EXTL3: variants seen among roughly 807,000 people sequenced by gnomAD.
EXTL3 encodes the protein exostosin like glycosyltransferase 3.
In EXTL3, 27 loss-of-function variants were observed where a neutral mutation model predicts 69.3. The observed-to-expected ratio is 0.39, with a 90% CI of 0.29 to 0.54. The LOEUF (loss-of-function observed/expected upper bound fraction) is 0.54. Among genes scored for constraint, EXTL3 ranks in the 20% least tolerant of loss-of-function variants. The pLI is 0.69. For synonymous variants in EXTL3, 511 were observed against 499.4 expected, an observed-to-expected ratio of 1.02 and a Z score of -0.31; for missense variants, 1,003 against 1,231.8, an observed-to-expected ratio of 0.81 and a Z score of 2.78.
chr8:28,742,909 T>C, intron 5 of EXTL3, 177 bp from the exon 6 acceptor site: 1 of 702,982 alleles, frequency 1.4e-6, no homozygotes, highest in South Asian at 1.5e-5. Flanking sequence ...AATTCCTCAC[T>C]GCAGAAGATC....
intron 1 of EXTL3, among the ~76,000 whole-genome samples, chr8:28,652,025 T>TTGTATGTG (rs1792837945): frequency 6.6e-6 from 1 of 151,296 alleles, no homozygotes; most frequent in African/African-American, 2.4e-5. Context: ...TAATATTCCA[T>TTGTATGTG]TGTGTGTGTG....
intron 1 of EXTL3, among the ~76,000 whole-genome samples, chr8:28,711,588 C>T (rs1031870279): frequency 6.6e-6 from 1 of 152,180 alleles, no homozygotes; most frequent in Non-Finnish European, 1.5e-5. Context: ...CCCAAATTCT[C>T]AAGGCTGAGC....
At chr8:28,755,965 A>G (rs564668412), downstream of EXTL3, among the ~76,000 whole-genome samples, 47 of 151,976 alleles carry the variant, frequency 3.1e-4, no homozygotes, top group African/African-American at 1.1e-3. Flanking sequence ...CCATCCTGCC[A>G]TTCATCCTTT....
chr8:28,741,315 T>G (rs1303185493), intron 5 of EXTL3: 8 of 152,252 alleles, frequency 5.3e-5, no homozygotes, highest in Admixed American at 4.6e-4. Flanking sequence ...CAGTTCTTAT[T>G]GTTAAAATGT....
chr8:28,682,503 T>C (rs1684727863), intron 1 of EXTL3, among the ~76,000 whole-genome samples: 1 of 152,130 alleles, frequency 6.6e-6, no homozygotes, highest in Non-Finnish European at 1.5e-5. Context: ...AGTGCAATTG[T>C]GCGATCTCGG....
At position 28,743,209 on chromosome 8, in the gene EXTL3, A is replaced by G; in HGVS notation, c.2545A>G (p.Ile849Val). The G allele has an allele frequency of 1.9e-6, 3 of 1,614,130 alleles. No homozygotes were observed. Among genetic ancestry groups the G allele is most frequent in the Admixed American group, 1.7e-5 (1 of 60,032 alleles). ...CTCCCACATCACTCGGAAGCCCCCC[A>G]TCAAGGTGAGGTCCCACCACTGGTG... ...LVSHITRKPPIKVTSRWTFRC... is the reference protein window; with the variant it reads ...LVSHITRKPPVKVTSRWTFRC... The change falls in exon 6 of 7, where the codon ATC (isoleucine) becomes GTC (valine). Residue 849 changes from isoleucine to valine, a missense_variant. By Grantham distance (29) the Ile-to-Val change is conservative. This residue lies in a region of EXTL3 where 261 missense variants were observed against 416.4 expected (regional missense o/e 0.63). Transcript: ENST00000220562.
intron 1 of EXTL3, among the ~76,000 whole-genome samples, chr8:28,635,797 C>T (rs945061420): frequency 3.3e-5 from 5 of 151,938 alleles, no homozygotes; most frequent in African/African-American, 1.2e-4. Flanking sequence ...CAGCACAAGG[C>T]TACATTGTAA....
upstream of EXTL3, among the ~76,000 whole-genome samples, chr8:28,619,743 G>A (rs914597958): frequency 1.3e-5 from 2 of 150,178 alleles, no homozygotes; most frequent in Non-Finnish European, 3.0e-5. Context: ...GAGGGTGGCA[G>A]TATTACAGCA....
Position 28,750,567 on chromosome 8 carries a change from A to G in EXTL3, c.2551-90A>G, listed in dbSNP as rs1033512302. Reference sequence around the variant, plus strand: ...CCCTGAGGGGATCAGCGTCTTCACCATGGACATGGGAGTGTGGGATCGGCT... The same window carrying G: ...CCCTGAGGGGATCAGCGTCTTCACCGTGGACATGGGAGTGTGGGATCGGCT... On this transcript the variant is annotated intron_variant, in intron 6 of 6. Transcript: ENST00000220562. This position sits in a 1 kb window ranked among gnomAD's most constrained non-coding sequence, Gnocchi z 5.2. 9.2e-7 allele frequency: 1 copy of G among 1,090,308 alleles called. No individual in the cohort carries two copies. Among genetic ancestry groups the G allele is most frequent in the East Asian group, 2.4e-5 (1 of 42,026 alleles). The allele number at this position is 1,090,308 out of a possible 1,614,324, so 67.5% of individuals were successfully genotyped here. A position where few individuals can be genotyped will look rare whatever the true frequency, so the allele number is the denominator to read the frequency against.
intron 1 of EXTL3, among the ~76,000 whole-genome samples, chr8:28,657,223 A>G (rs1402609376): frequency 1.3e-5 from 2 of 152,182 alleles, no homozygotes; most frequent in Non-Finnish European, 1.5e-5. Context: ...AATTATAGAC[A>G]TGAGCCACTG....
chr8:28,643,243 C>CA (rs1806772263), intron 1 of EXTL3, among the ~76,000 whole-genome samples: 1 of 151,248 alleles, frequency 6.6e-6, no homozygotes, highest in African/African-American at 2.4e-5. Flanking sequence ...GACTCCATCT[C>CA]AAAAAACAAA....
In EXTL3 at chr8:28,716,583, G is replaced by T. The variant is rs560576617; in HGVS notation, c.524G>T (p.Arg175Leu). ...GGCCTCCCTCCCCCGAAGGCCACTCGGGGCTGCCGGCTACACAACTGCTTT... is the reference window on the plus strand; with the variant it reads ...GGCCTCCCTCCCCCGAAGGCCACTCTGGGCTGCCGGCTACACAACTGCTTT... ...DAGLPPPKAT[R>L]GCRLHNCFDY... The change falls in exon 3 of 7, where the codon CGG becomes CTG. Residue 175 changes from arginine (R) to leucine (L), a missense_variant. Transcript: ENST00000220562. The surrounding 1 kb of genome is among the most constrained non-coding windows in gnomAD (Gnocchi z 7.1). 2.5e-6 allele frequency: 4 copies of T among 1,614,028 alleles called. No homozygotes were observed. In the African/African-American group the frequency reaches 4.0e-5, roughly 16 times the overall value.
intron 1 of EXTL3, among the ~76,000 whole-genome samples, chr8:28,667,738 G>T (rs1398413514): frequency 1.3e-5 from 2 of 149,914 alleles, no homozygotes; most frequent in African/African-American, 2.5e-5. Flanking sequence ...GGGAGGGACA[G>T]CATTAGGAGA....
intron 4 of EXTL3, among the ~76,000 whole-genome samples, chr8:28,733,777 G>C (rs1399626030): frequency 1.3e-5 from 2 of 151,160 alleles, no homozygotes; most frequent in African/African-American, 4.9e-5. Flanking sequence ...TTGGAGAAAC[G>C]GCTTTTCACA....
intron 4 of EXTL3, among the ~76,000 whole-genome samples, chr8:28,733,159 T>A (rs1352479778): frequency 6.6e-6 from 1 of 152,120 alleles, no homozygotes; most frequent in Non-Finnish European, 1.5e-5. Context: ...TCCTCTTGAG[T>A]GGATACCTAA....
rs376394802 is a variant in EXTL3, at chr8:28,717,719, C to A, written c.1660C>A (p.Pro554Thr). ...PIREEAAAEI[P>T]HRSGKAAGTD... is the part of the protein sequence containing the mutation. ...CCGGGAAGAGGCGGCAGCTGAGATC[C>A]CCCACCGTTCAGGCAAGGCGGCTGG... is the stretch of plus-strand genomic sequence containing the variant. Residue 554 changes from proline (P) to threonine (T), a missense_variant, in exon 3 of 7, where the codon CCC (proline) becomes ACC (threonine). By Grantham distance (38) the Pro-to-Thr change is conservative (BLOSUM62 -1). Transcript: ENST00000220562. The surrounding 1 kb of genome is among the most constrained non-coding windows in gnomAD (Gnocchi z 8.3). 6.2e-7 allele frequency: 1 copy of A among 1,614,144 alleles called. No individual in the cohort carries two copies. The highest frequency in any genetic ancestry group is 1.3e-5 in the African/African-American group (1 of 74,942).
In EXTL3 at chr8:28,717,497, G is replaced by A. The variant is rs765968684; in HGVS notation, c.1438G>A (p.Glu480Lys). The A allele has an allele frequency of 6.2e-6, 10 of 1,614,136 alleles. No homozygotes were observed. The highest frequency in any genetic ancestry group is 1.7e-5 in the Admixed American group (1 of 60,016). Residue 480 changes from glutamate (E) to lysine (K), a missense_variant, in exon 3 of 7, where the codon GAG becomes AAG. Glu to Lys is a moderately conservative substitution (Grantham distance 56). Transcript: ENST00000220562. This position sits in a 1 kb window ranked among gnomAD's most constrained non-coding sequence, Gnocchi z 8.3. The stretch of plus-strand genomic sequence containing the variant: ...CTACCAGGACATGCTGCAGTGGAAC[G>A]AGGCGGCCCTGGTGGTGCCAAAGCC... The part of the protein sequence containing the change: ...LPYQDMLQWN[E>K]AALVVPKPRV...
At chr8:28,649,869 C>A in intron 1 of EXTL3, among the ~76,000 whole-genome samples, 1 of 151,580 alleles carries the variant, frequency 6.6e-6, no homozygotes, top group East Asian at 1.9e-4. Context: ...TTTTTTACAT[C>A]AAGCTATAAG....
intron 1 of EXTL3, among the ~76,000 whole-genome samples, chr8:28,680,664 G>A (rs982210886): frequency 3.9e-5 from 6 of 151,996 alleles, no homozygotes; most frequent in African/African-American, 1.2e-4. Context: ...GCAGATCTCC[G>A]GAACTAATTG....
Sources: gnomAD v4.1 joint callset for allele counts (sites outside exome capture counted in the v4.1 genomes callset) on GRCh38, gnomAD v4.1.1 for gene constraint, gnomAD v4.1.1 regional missense constraint, Gnocchi (gnomAD v3.1) non-coding constraint, MANE v1.5 for transcripts, NCBI Gene and HGNC (gene_info 2026-07-23, HGNC 2026-07-21) for gene names.